Variants in CCAR2 observed in about 807,000 individuals in gnomAD.
CCAR2 encodes cell cycle and apoptosis regulator protein 2.
Under a neutral mutation model 108.1 loss-of-function variants are expected in CCAR2, and 21 were observed. The ratio of observed to expected loss-of-function variants is 0.19; its 90% CI spans 0.14 to 0.28. CCAR2 has a LOEUF of 0.28. Among genes scored for constraint, CCAR2 ranks in the 10% least tolerant of loss-of-function variants. The probability of loss-of-function intolerance (pLI) is 1.00; values close to 1 mark genes in which losing one functional copy is unlikely to be tolerated. For missense variants in CCAR2, 1,126 were observed against 1,177.0 expected (o/e 0.96, Z 0.63); for synonymous variants, 577 against 472.8 (o/e 1.22, Z -2.86).
At chr8:22,617,186 A>G (rs1332460054) in intron 14 of CCAR2, among the ~76,000 whole-genome samples, 1 of 151,908 alleles carries the variant, frequency 6.6e-6, no homozygotes, top group African/African-American at 2.4e-5. Context: ...AATGAATGTA[A>G]TTTCTTCTGG....
intron 7 of CCAR2, among the ~76,000 whole-genome samples, chr8:22,610,401 G>T (rs1801228908): frequency 6.6e-6 from 1 of 152,208 alleles, no homozygotes; most frequent in African/African-American, 2.4e-5. Flanking sequence ...ACCCAGCTGG[G>T]CTCTGCTGCT....
Position 22,607,013 on chromosome 8 carries a change from C to T in CCAR2, c.346C>T (p.Leu116Phe), listed in dbSNP as rs1270887420. The change falls in exon 5 of 21, where the codon CTC becomes TTC. Residue 116 changes from leucine to phenylalanine, a missense_variant. Physicochemically the swap from Leu to Phe is conservative, Grantham distance 22. This residue lies in a region of CCAR2 where 44 missense variants were observed against 63.4 expected (regional missense o/e 0.69). Transcript: ENST00000308511. The stretch of plus-strand genomic sequence containing the variant: ...CTGGAATGCTGTCAAGGTGCAAACG[C>T]TCTCCAACCAGGTATTCATATCTCC... ...VPWNAVKVQTLSNQPLLKSPA... is the reference protein window; with the variant it reads ...VPWNAVKVQTFSNQPLLKSPA... 1 of 1,614,116 alleles carries T rather than the reference C, an allele frequency of 6.2e-7. No individual in the cohort carries two copies. Among genetic ancestry groups the T allele is most frequent in the East Asian group, 2.2e-5 (1 of 44,886 alleles).
rs1801652128 is a variant in CCAR2, at chr8:22,619,211, G to A, written c.2583G>A (p.Met861Ile). Reference sequence around the variant, plus strand: ...CCAATAAGACGCTGGCGGCAGAGATGCAGGAGCTGCGAGTCCGGCTGGCGG... The same window carrying A: ...CCAATAAGACGCTGGCGGCAGAGATACAGGAGCTGCGAGTCCGGCTGGCGG... ...EVTNKTLAAE[M>I]QELRVRLAEA... The change falls in exon 20 of 21, where the codon ATG becomes ATA. Residue 861 changes from methionine (M) to isoleucine (I), a missense_variant. Around this residue, in one of 4 missense-constraint regions of CCAR2, gnomAD observed 1,013 missense variants for 993.9 expected, o/e 1.02. Coordinates refer to ENST00000308511, the MANE Select transcript of CCAR2 (RefSeq NM_001393997.1). 2.5e-6 allele frequency: 4 copies of A among 1,583,080 alleles called. No individual in the cohort carries two copies. The highest frequency in any genetic ancestry group is 3.7e-5 in the Admixed American group (2 of 53,916).
downstream of CCAR2, chr8:22,621,110 G>C: frequency 3.2e-6 from 1 of 310,562 alleles, no homozygotes; most frequent in Non-Finnish European, 6.0e-6. Context: ...CTTAGCCAAC[G>C]AAGCCCATGG....
Position 22,618,873 on chromosome 8 carries a change from T to A in CCAR2, c.2379T>A (p.Gly793=). 6.2e-7 allele frequency: 1 copy of A among 1,614,004 alleles called. No individual in the cohort carries two copies. The highest frequency in any genetic ancestry group is 8.5e-7 in the Non-Finnish European group (1 of 1,180,030). The change falls in exon 19 of 21, where the codon GGT becomes GGA. Residue 793 remains glycine, a synonymous_variant. Coordinates refer to ENST00000308511, the MANE Select transcript of CCAR2 (RefSeq NM_001393997.1). Reference sequence around the variant, plus strand: ...CTCCTGGGAAAAGCACGAAGCCAGGTGCTGCCCCCACAGAACACAAAGCCT... The same window carrying A: ...CTCCTGGGAAAAGCACGAAGCCAGGAGCTGCCCCCACAGAACACAAAGCCT... The part of the protein sequence containing the change: ...LPPPGKSTKP[G]AAPTEHKALV...
At chr8:22,616,885 TTTTTTTTTTTTGG>T (rs1294120450) in intron 14 of CCAR2, among the ~76,000 whole-genome samples, 1 of 64,748 alleles carries the variant, frequency 1.5e-5, no homozygotes, top group African/African-American at 9.7e-5. Flanking sequence ...TTTTTTTTTT[TTTTTTTTTTTTGG>T]GGAGATGGAG....
chr8:22,608,295 TAAGC>T (rs1247543319), intron 7 of CCAR2, among the ~76,000 whole-genome samples: 2 of 152,152 alleles, frequency 1.3e-5, no homozygotes, highest in East Asian at 1.9e-4. Context: ...ATACAGTGGT[TAAGC>T]AAGCAGGGAG....
Position 22,619,595 on chromosome 8 carries a change from C to G in CCAR2, c.2728-43C>G, listed in dbSNP as rs202090147. The G allele has an allele frequency of 5.9e-4, 909 of 1,550,580 alleles. 1 individual carries two copies. Among genetic ancestry groups the G allele is most frequent in the Non-Finnish European group, 7.0e-4 (805 of 1,146,746 alleles). On this transcript the variant is annotated intron_variant, in intron 20 of 20. Coordinates refer to ENST00000308511, the MANE Select transcript of CCAR2 (RefSeq NM_001393997.1). ...TCCGCAGTCCGCAGTCCTCAGATCA[C>G]CTTGCCAGGCCCGATTCTGGGTACA... is the stretch of plus-strand genomic sequence containing the variant.
In CCAR2 at chr8:22,616,364, G is replaced by A. The variant is rs563916942; in HGVS notation, c.1845+116G>A. Reference sequence around the variant, plus strand: ...AGCTCATTCCCTGCACCCTTGCTCGGCATGGACTGAGGCCGCACAGCTAGT... The same window carrying A: ...AGCTCATTCCCTGCACCCTTGCTCGACATGGACTGAGGCCGCACAGCTAGT... On this transcript the variant is annotated intron_variant, in intron 14 of 20. Coordinates refer to ENST00000308511, the MANE Select transcript of CCAR2 (RefSeq NM_001393997.1). 79 of 959,466 alleles carry A rather than the reference G, an allele frequency of 8.2e-5. No individual in the cohort carries two copies. In the Admixed American group the frequency reaches 1.5e-3, roughly 19 times the overall value. 59.4% of individuals were successfully genotyped at this position (959,466 alleles called of 1,614,324 possible).
rs1410307736 is a variant in CCAR2 at position 22,619,273 on chromosome 8, A to G, written c.2645A>G (p.Lys882Arg). ...ACCGCCCGGACGGCGGAGCGACAGA[A>G]GAGCCAGCTCCAGCGGCTGCTGCAG... ...EETARTAERQ[K>R]SQLQRLLQEL... The change falls in exon 20 of 21, where the codon AAG becomes AGG. Residue 882 changes from lysine (K) to arginine (R), a missense_variant. Physicochemically the swap from Lys to Arg is conservative, Grantham distance 26. This residue lies in a region of CCAR2 where 1,013 missense variants were observed against 993.9 expected (regional missense o/e 1.02). Transcript: ENST00000308511. The G allele has an allele frequency of 1.9e-6, 3 of 1,565,290 alleles. No homozygotes were observed. The highest frequency in any genetic ancestry group is 1.2e-5 in the South Asian group (1 of 85,430).
At position 22,619,355 on chromosome 8, in the gene CCAR2, G is replaced by A; in HGVS notation, c.2727G>A (p.Lys909=). 6.4e-7 allele frequency: 1 copy of A among 1,556,074 alleles called. No homozygotes were observed. Among genetic ancestry groups the A allele is most frequent in the Non-Finnish European group, 8.7e-7 (1 of 1,150,710 alleles). ...LQLEIQRVVE[K]ADSWVEKEEP... is the part of the protein sequence containing the mutation. ...TGGAGATCCAGCGGGTGGTGGAAAA[G>A]GTAAGGTGGGGGTGGACCAGGAGGC... The change falls in exon 20 of 21, where the codon AAG becomes AAA. Residue 909 remains lysine, a splice_region_variant and synonymous_variant. Transcript: ENST00000308511.
intron 8 of CCAR2, 51 bp from the exon 9 acceptor site, chr8:22,614,041 C>A (rs764599258): frequency 2.2e-5 from 34 of 1,513,220 alleles, no homozygotes; most frequent in East Asian, 4.6e-5. Flanking sequence ...GGTTTCATTT[C>A]GAATGTTTTA....
chr8:22,614,821 C>G lies in CCAR2; in HGVS notation c.1042-17C>G, dbSNP rs1169749270. ...TAATGTAGTTTTTTGTTTTGTATCCCTGATCTCTTCTTGCAGTTTTTGCTG... is the reference window on the plus strand; with the variant it reads ...TAATGTAGTTTTTTGTTTTGTATCCGTGATCTCTTCTTGCAGTTTTTGCTG... On this transcript the variant is annotated splice_polypyrimidine_tract_variant and intron_variant, in intron 10 of 20. Coordinates refer to ENST00000308511, the MANE Select transcript of CCAR2 (RefSeq NM_001393997.1). 2 of 1,612,360 alleles carry G rather than the reference C, an allele frequency of 1.2e-6. No homozygotes were observed. Among genetic ancestry groups the G allele is most frequent in the Non-Finnish European group, 1.7e-6 (2 of 1,179,516 alleles).
rs1801397974 is a variant in CCAR2 at position 22,614,072 on chromosome 8, C to T, written c.705-20C>T. On this transcript the variant is annotated intron_variant, in intron 8 of 20. Transcript: ENST00000308511. ...TTTTAGTCTTTGCTCAGTCTGGATT[C>T]CCTTGCTGTCTTCCTGTAGCCCCAT... The T allele has an allele frequency of 6.2e-7, 1 of 1,604,340 alleles. No homozygotes were observed.
At position 22,616,244 on chromosome 8, in the gene CCAR2, C is replaced by T. The variant is rs201937205; in HGVS notation, c.1841C>T (p.Pro614Leu). 2.9e-5 allele frequency: 47 copies of T among 1,612,114 alleles called. No individual in the cohort carries two copies. The highest frequency in any genetic ancestry group is 4.5e-5 in the East Asian group (2 of 44,876). ...GGCCCGGCTACAGAGTCAGAGGCCC[C>T]GCTGGTGAGTACCCTGCCACCTCGG... ...NEGPATESEA[P>L]LKEDGLLPKP... The change falls in exon 14 of 21, where the codon CCG becomes CTG. Residue 614 changes from proline to leucine, a missense_variant. Coordinates refer to ENST00000308511, the MANE Select transcript of CCAR2 (RefSeq NM_001393997.1).
At chr8:22,608,837 CAGAA>C (rs1283084015) in intron 7 of CCAR2, among the ~76,000 whole-genome samples, 4 of 152,168 alleles carry the variant, frequency 2.6e-5, no homozygotes, top group Non-Finnish European at 2.9e-5. Context: ...GCAAGGTAAA[CAGAA>C]AGGTGTGAGG....
Position 22,605,802 on chromosome 8 carries a change from A to C in CCAR2, c.29A>C (p.Asn10Thr), listed in dbSNP as rs201769711. The C allele has an allele frequency of 6.2e-7, 1 of 1,614,016 alleles. No homozygotes were observed. Among genetic ancestry groups the C allele is most frequent in the Admixed American group, 1.7e-5 (1 of 60,004 alleles). Residue 10 changes from asparagine (N) to threonine (T), a missense_variant, in exon 2 of 21, where the codon AAC becomes ACC. Asn to Thr is a moderately conservative substitution (Grantham distance 65). Around this residue, in one of 4 missense-constraint regions of CCAR2, gnomAD observed 52 missense variants for 63.7 expected, o/e 0.82. Coordinates refer to ENST00000308511, the MANE Select transcript of CCAR2 (RefSeq NM_001393997.1). ...TCCCAGTTTAAGCGCCAGCGGATCA[A>C]CCCGCTTCCAGGGGGACGCAACTTC... MSQFKRQRI[N>T]PLPGGRNFSG...
chr8:22,620,814 A>T (rs145744037), downstream of CCAR2: 1 of 152,302 alleles, frequency 6.6e-6, no homozygotes, highest in Non-Finnish European at 1.5e-5. Flanking sequence ...TTCTTGTGGG[A>T]CAGTTCCACT....
At chr8:22,621,415 C>T (rs945537606), downstream of CCAR2, 70 of 1,611,314 alleles carry the variant, frequency 4.3e-5, no homozygotes, top group South Asian at 1.2e-4. Flanking sequence ...CCAAGAGTGA[C>T]GGGGATTCAG....
Sources: allele counts gnomAD v4.1 joint callset (sites outside exome capture counted in the v4.1 genomes callset), GRCh38; gene constraint gnomAD v4.1.1; regional missense constraint gnomAD v4.1.1; transcripts MANE v1.5; gene names NCBI Gene and HGNC (gene_info 2026-07-23, HGNC 2026-07-21).